Variants in EXOC4 observed in about 807,000 individuals in gnomAD.
The protein encoded by EXOC4 is SEC8-like 1.
A neutral mutation model predicts 107.2 loss-of-function variants in EXOC4; 71 were observed. The observed-to-expected ratio is 0.66, with a 90% CI of 0.55 to 0.81. EXOC4 has a LOEUF of 0.81. Ranked by LOEUF, EXOC4 falls within the 30% of genes least tolerant of loss-of-function variation. The pLI, the probability that EXOC4 is intolerant of heterozygous loss-of-function variation, is 0.00. For missense variants in EXOC4, 1,108 were observed against 1,189.6 expected (o/e 0.93, Z 1.01); for synonymous variants, 456 against 441.2 (o/e 1.03, Z -0.42).
intron 9 of EXOC4, among the ~76,000 whole-genome samples, chr7:133,616,569 A>G (rs1802200018): frequency 6.6e-6 from 1 of 152,132 alleles, no homozygotes. Context: ...ACCTGTCATG[A>G]ATTTTGCCCA....
chr7:133,382,411 A>C (rs1796638196), intron 7 of EXOC4, among the ~76,000 whole-genome samples: 1 of 152,166 alleles, frequency 6.6e-6, no homozygotes, highest in African/African-American at 2.4e-5. Flanking sequence ...AAAAAAATAC[A>C]TGAACACCAG....
chr7:133,640,347 T>C (rs1361372628), intron 10 of EXOC4, among the ~76,000 whole-genome samples: 2 of 152,232 alleles, frequency 1.3e-5, no homozygotes, highest in Admixed American at 6.5e-5. Flanking sequence ...TCTATGTTGG[T>C]CATCCATAGA....
chr7:133,511,051 G>C (rs1036548238), intron 9 of EXOC4, among the ~76,000 whole-genome samples: 1 of 151,732 alleles, frequency 6.6e-6, no homozygotes, highest in Non-Finnish European at 1.5e-5. Context: ...AATACCTAAA[G>C]TTTGGACATA....
At chr7:133,511,809 G>T (rs1466695599) in intron 9 of EXOC4, among the ~76,000 whole-genome samples, 1 of 144,320 alleles carries the variant, frequency 6.9e-6, no homozygotes, top group Non-Finnish European at 1.5e-5. Flanking sequence ...ACTTTTTGGG[G>T]TGACATATTC....
At chr7:133,539,565 T>C (rs1199135316) in intron 9 of EXOC4, among the ~76,000 whole-genome samples, 1 of 151,508 alleles carries the variant, frequency 6.6e-6, no homozygotes. Context: ...TTAGTACCTG[T>C]TAATCAAGAA....
chr7:134,005,247 G>T, intron 16 of EXOC4, among the ~76,000 whole-genome samples, 157 bp downstream of exon 16: 1 of 152,164 alleles, frequency 6.6e-6, no homozygotes, highest in East Asian at 1.9e-4. Flanking sequence ...CTTTGTGTAT[G>T]ACTAGGTAGA....
At chr7:133,470,259 CACAA>C (rs1348921040) in intron 7 of EXOC4, among the ~76,000 whole-genome samples, 1 of 152,062 alleles carries the variant, frequency 6.6e-6, no homozygotes, top group Non-Finnish European at 1.5e-5. Flanking sequence ...CATGTATAAC[CACAA>C]ACAGTTATAG....
chr7:133,304,509 T>C (rs1396371255), intron 3 of EXOC4, among the ~76,000 whole-genome samples: 3 of 152,222 alleles, frequency 2.0e-5, no homozygotes, highest in East Asian at 1.9e-4. Flanking sequence ...AGGAAACTTA[T>C]TTGCTACTGA....
chr7:133,997,565 C>T lies in EXOC4; in HGVS notation c.2280C>T (p.Leu760=). 1 of 1,613,748 alleles carries T rather than the reference C, an allele frequency of 6.2e-7. No homozygotes were observed. Among genetic ancestry groups the T allele is most frequent in the Non-Finnish European group, 8.5e-7 (1 of 1,179,800 alleles). Residue 760 remains leucine (L), a synonymous_variant, in exon 15 of 18, where the codon CTC becomes CTT. Coordinates refer to ENST00000253861, the MANE Select transcript of EXOC4 (RefSeq NM_021807.4). ...PPVSEQIMQT[L]SELAKSFQDM... ...TGTCAGAGCAGATCATGCAGACTCT[C>T]AGTGAACTTGCCAAATCGTTCCAGG...
chr7:133,973,044 A>G (rs983539274), intron 14 of EXOC4, among the ~76,000 whole-genome samples: 5 of 152,234 alleles, frequency 3.3e-5, no homozygotes, highest in African/African-American at 1.2e-4. Flanking sequence ...TGAGGACATT[A>G]GAGAAGATAT....
intron 9 of EXOC4, among the ~76,000 whole-genome samples, chr7:133,603,878 T>C (rs1398710431): frequency 6.6e-6 from 1 of 152,216 alleles, no homozygotes; most frequent in Non-Finnish European, 1.5e-5. Flanking sequence ...TTTTTTCCTT[T>C]ATAAATTTTT....
chr7:133,990,549 C>T (rs762922484), intron 14 of EXOC4, among the ~76,000 whole-genome samples: 5 of 151,960 alleles, frequency 3.3e-5, no homozygotes, highest in South Asian at 2.1e-4. Flanking sequence ...TCCTGGGTCC[C>T]GGTTCAAGCA....
chr7:133,472,806 A>G (rs547377339), intron 7 of EXOC4, among the ~76,000 whole-genome samples: 2 of 152,284 alleles, frequency 1.3e-5, no homozygotes, highest in East Asian at 3.9e-4. Flanking sequence ...ATAGGAATAG[A>G]CTAACAATGC....
chr7:133,597,565 AAAAAAAAAAACCC>A (rs1315390042), intron 9 of EXOC4, among the ~76,000 whole-genome samples: 26 of 146,920 alleles, frequency 1.8e-4, no homozygotes, highest in African/African-American at 6.6e-4. Context: ...AAAAAAAAAA[AAAAAAAAAAACCC>A]AAAAAAAAAA....
At chr7:133,879,208 C>G (rs969863019) in intron 11 of EXOC4, among the ~76,000 whole-genome samples, 5 of 152,100 alleles carry the variant, frequency 3.3e-5, no homozygotes, top group African/African-American at 1.2e-4. Flanking sequence ...GATTCTCCCA[C>G]ATCAGCCTCC....
At chr7:133,321,349 G>T (rs1464362380) in intron 5 of EXOC4, among the ~76,000 whole-genome samples, 1 of 151,730 alleles carries the variant, frequency 6.6e-6, no homozygotes, top group African/African-American at 2.4e-5. Context: ...AGGTATACAC[G>T]TGCCATGGTT....
intron 17 of EXOC4, among the ~76,000 whole-genome samples, chr7:134,021,337 A>G (rs1432043088): frequency 6.6e-6 from 1 of 152,188 alleles, no homozygotes. Context: ...ATCGTGCTTA[A>G]AGCATTTGCT....
chr7:133,954,779 G>C (rs1800775635), intron 14 of EXOC4, among the ~76,000 whole-genome samples: 1 of 152,238 alleles, frequency 6.6e-6, no homozygotes, highest in South Asian at 2.1e-4. Context: ...GGAGCAGCAA[G>C]AGGGGTGTGA....
At chr7:133,362,179 G>C (rs933823724) in intron 6 of EXOC4, among the ~76,000 whole-genome samples, 11 of 152,076 alleles carry the variant, frequency 7.2e-5, no homozygotes, top group Non-Finnish European at 1.5e-5. Context: ...GTCATACTTA[G>C]AGCTTCCCTA....
Sources: gnomAD v4.1 joint callset for allele counts (sites outside exome capture counted in the v4.1 genomes callset) on GRCh38, gnomAD v4.1.1 for gene constraint, MANE v1.5 for transcripts, NCBI Gene and HGNC (gene_info 2026-07-23, HGNC 2026-07-21) for gene names.